COL14A1: variants seen among roughly 807,000 people sequenced by gnomAD.
COL14A1 encodes collagen alpha-1(XIV) chain.
In COL14A1, 136 loss-of-function variants were observed where a neutral mutation model predicts 230.3. The observed-to-expected ratio is 0.59, with a 90% confidence interval of 0.51 to 0.68. The LOEUF (loss-of-function observed/expected upper bound fraction) is 0.68. Among genes scored for constraint, COL14A1 ranks in the 30% least tolerant of loss-of-function variants. The probability of loss-of-function intolerance (pLI) is 0.00; values close to 1 mark genes in which losing one functional copy is unlikely to be tolerated. For missense variants in COL14A1, 1,976 were observed against 2,215.8 expected (o/e 0.89, Z 2.17); for synonymous variants, 792 against 784.1 (o/e 1.01, Z -0.17).
At chr8:120,312,330 T>G (rs567977992) in intron 37 of COL14A1, among the ~76,000 whole-genome samples, 1 of 152,214 alleles carries the variant, frequency 6.6e-6, no homozygotes, top group East Asian at 1.9e-4. Context: ...CCACATATGC[T>G]TCCTCTTCCT....
At chr8:120,148,022 C>T (rs1027498534) in intron 2 of COL14A1, 92 bp downstream of exon 2, 6 of 937,130 alleles carry the variant, frequency 6.4e-6, no homozygotes, top group Admixed American at 2.4e-5. Context: ...AACAATATGT[C>T]GGCTTTTACT....
chr8:120,299,948 T>C (rs982116276), intron 35 of COL14A1, among the ~76,000 whole-genome samples: 3 of 152,156 alleles, frequency 2.0e-5, no homozygotes, highest in African/African-American at 7.2e-5. Context: ...ACTGATGAAC[T>C]CTGTGAAGTT....
chr8:120,331,478 CTT>C (rs557042537), intron 40 of COL14A1, among the ~76,000 whole-genome samples: 121 of 152,214 alleles, frequency 7.9e-4, no homozygotes, highest in African/African-American at 2.8e-3. Context: ...TTTTTTAACA[CTT>C]AACATAAAAA....
chr8:120,302,020 T>G (rs932689027), intron 36 of COL14A1, among the ~76,000 whole-genome samples: 2 of 152,106 alleles, frequency 1.3e-5, no homozygotes, highest in Non-Finnish European at 2.9e-5. Context: ...AAAGTGTCTG[T>G]TTATGTCCTT....
At chr8:120,199,916 T>C (rs1375998435) in intron 8 of COL14A1, among the ~76,000 whole-genome samples, 1 of 151,986 alleles carries the variant, frequency 6.6e-6, no homozygotes, top group East Asian at 1.9e-4. Flanking sequence ...TCTGGTAATA[T>C]AGGAAGAATC....
chr8:120,304,550 C>T (rs1820803785), intron 36 of COL14A1, among the ~76,000 whole-genome samples: 2 of 152,082 alleles, frequency 1.3e-5, no homozygotes, highest in Admixed American at 6.6e-5. Context: ...CTGTTGTCTT[C>T]CTATTGGCTT....
At chr8:120,264,416 C>T (rs1227561987) in intron 24 of COL14A1, among the ~76,000 whole-genome samples, 2 of 152,110 alleles carry the variant, frequency 1.3e-5, no homozygotes, top group African/African-American at 4.8e-5. Flanking sequence ...AGATCTTGTT[C>T]TGCCCCTTTC....
chr8:120,302,755 G>A (rs1485931879), intron 36 of COL14A1, among the ~76,000 whole-genome samples: 1 of 152,116 alleles, frequency 6.6e-6, no homozygotes, highest in Non-Finnish European at 1.5e-5. Context: ...TTTTAAAATA[G>A]TTTTTTTCTA....
At chr8:120,213,505 C>T (rs918946304) in intron 13 of COL14A1, among the ~76,000 whole-genome samples, 1 of 152,134 alleles carries the variant, frequency 6.6e-6, no homozygotes, top group African/African-American at 2.4e-5. Flanking sequence ...CTATGTTATT[C>T]TTGCTCTTCG....
Position 120,263,027 on chromosome 8 carries a change from T to C in COL14A1, c.3016+13T>C. The C allele has an allele frequency of 2.5e-6, 4 of 1,591,046 alleles. No homozygotes were observed. Among genetic ancestry groups the C allele is most frequent in the Non-Finnish European group, 3.4e-6 (4 of 1,170,756 alleles). ...ATGGAAAAAACACGTAAGTCATGTGTGTTCTCTCCTGATCCCTCTCCCCAT... is the reference window on the plus strand; with the variant it reads ...ATGGAAAAAACACGTAAGTCATGTGCGTTCTCTCCTGATCCCTCTCCCCAT... On this transcript the variant is annotated intron_variant, in intron 24 of 47. Coordinates refer to ENST00000297848, the MANE Select transcript of COL14A1 (RefSeq NM_021110.4).
chr8:120,277,761 G>T (rs973183296), intron 26 of COL14A1: 12 of 156,496 alleles, frequency 7.7e-5, no homozygotes, highest in Admixed American at 5.1e-4. Context: ...CTACTAGTAG[G>T]GGGAGAATAG....
chr8:120,210,862 G>C (rs1046093034), intron 12 of COL14A1, among the ~76,000 whole-genome samples: 7 of 151,986 alleles, frequency 4.6e-5, no homozygotes, highest in Non-Finnish European at 8.8e-5. Flanking sequence ...TATTTCCAAG[G>C]CTTAGATGGC....
rs775062096 is a variant in COL14A1, at chr8:120,369,457, C to G, written c.5283C>G (p.Pro1761=). 1.2e-6 allele frequency: 2 copies of G among 1,606,524 alleles called. No individual in the cohort carries two copies. Among genetic ancestry groups the G allele is most frequent in the African/African-American group, 1.3e-5 (1 of 74,732 alleles). The change falls in exon 47 of 48, where the codon CCC becomes CCG. Residue 1761 remains proline (P), a synonymous_variant. Transcript: ENST00000297848. ...GPSGQPGYCD[P]SSCSAYGVRA... ...CTGGCCAGCCTGGATATTGTGACCC[C>G]TCATCATGTTCTGCCTATGGTGTGA...
chr8:120,280,044 C>T lies in COL14A1; in HGVS notation c.3591C>T (p.Ala1197=), dbSNP rs1819989457. 1 of 1,613,846 alleles carries T rather than the reference C, an allele frequency of 6.2e-7. No homozygotes were observed. Among genetic ancestry groups the T allele is most frequent in the Non-Finnish European group, 8.5e-7 (1 of 1,179,842 alleles). Residue 1197 remains alanine, a synonymous_variant, in exon 29 of 48, where the codon GCC becomes GCT. Coordinates refer to ENST00000297848, the MANE Select transcript of COL14A1 (RefSeq NM_021110.4). ...RHVFFVDDFD[A]FKKIEDELIT... is the part of the protein sequence containing the mutation. ...TCTTCTTTGTGGATGACTTTGACGC[C>T]TTTAAGAAAATCGAAGATGAGTTAA...
At chr8:120,283,272 ATAGT>A (rs1205426810) in intron 31 of COL14A1, among the ~76,000 whole-genome samples, 2 of 152,222 alleles carry the variant, frequency 1.3e-5, no homozygotes, top group African/African-American at 4.8e-5. Flanking sequence ...ATAGATCAAC[ATAGT>A]TTATTACATG....
chr8:120,207,670 A>G (rs1030420629), intron 10 of COL14A1, among the ~76,000 whole-genome samples: 1 of 152,204 alleles, frequency 6.6e-6, no homozygotes, highest in African/African-American at 2.4e-5. Context: ...TGATACCACA[A>G]TTCACAAGCA....
chr8:120,334,479 T>C (rs961947799), intron 42 of COL14A1, among the ~76,000 whole-genome samples: 3 of 152,220 alleles, frequency 2.0e-5, no homozygotes, highest in Admixed American at 6.5e-5. Context: ...CACACATCTT[T>C]CTTTTAATTC....
intron 5 of COL14A1, among the ~76,000 whole-genome samples, chr8:120,190,463 T>C (rs1237242371): frequency 6.6e-6 from 1 of 152,184 alleles, no homozygotes; most frequent in African/African-American, 2.4e-5. Context: ...GTAGTTTCTT[T>C]TGCTGTGCAG....
At chr8:120,226,554 C>T in intron 15 of COL14A1, 73 bp from the exon 16 acceptor site, 3 of 1,529,916 alleles carry the variant, frequency 2.0e-6, no homozygotes, top group South Asian at 2.4e-5. Context: ...CTTCTACACC[C>T]CTGGGAGATA....
Sources: gnomAD v4.1 joint callset for allele counts (sites outside exome capture counted in the v4.1 genomes callset) on GRCh38, gnomAD v4.1.1 for gene constraint, MANE v1.5 for transcripts, NCBI Gene and HGNC (gene_info 2026-07-23, HGNC 2026-07-21) for gene names.